Variants in SCD5 observed in about 807,000 individuals in gnomAD.
SCD5 encodes stearoyl-CoA desaturase 5, also known as acyl-CoA-desaturase 4.
SCD5 carries 20 observed loss-of-function variants against 30.4 expected under a neutral mutation model. The ratio of observed to expected loss-of-function variants is 0.66; its 90% confidence interval spans 0.46 to 0.96. SCD5 has a LOEUF of 0.96. Ranked by LOEUF, SCD5 falls within the 40% of genes least tolerant of loss-of-function variation. SCD5 has a pLI of 0.00. For synonymous variants in SCD5, 173 were observed against 176.4 expected (o/e 0.98, Z 0.16); for missense variants, 381 against 443.3 (o/e 0.86, Z 1.26).
rs985727051 is a variant in SCD5, at chr4:82,697,901, T to C, written c.363+7382A>G. ...TGAATTGATAAATCACCGTCTTCAC[T>C]GCTTAGAGACGACCAAGCTATTTGC... is the stretch of plus-strand genomic sequence containing the variant. On this transcript the variant is annotated intron_variant, in intron 2 of 4. Coordinates refer to ENST00000319540, the MANE Select transcript of SCD5 (RefSeq NM_001037582.3). 3 of 421,932 alleles carry C rather than the reference T, an allele frequency of 7.1e-6. No homozygotes were observed. The East Asian group carries it at 2.1e-4, about 30-fold the overall frequency. The allele number at this position is 421,932 out of a possible 1,614,324, so 26.1% of individuals were successfully genotyped here.
At position 82,765,407 on chromosome 4, in the gene SCD5, G is replaced by C. The variant is rs181681636; in HGVS notation, c.232+32899C>G. The stretch of plus-strand genomic sequence containing the variant: ...TCTATAGTATACATAGTCTTCCCTT[G>C]GTATCCACAGTGAATTGGTTCCAGG... On this transcript the variant is annotated intron_variant, in intron 1 of 4. Coordinates refer to ENST00000319540, the MANE Select transcript of SCD5 (RefSeq NM_001037582.3). Among the ~76,000 whole-genome samples, 492 of 152,052 alleles carry C rather than the reference G, an allele frequency of 3.2e-3. 3 individuals are homozygous for C. The highest frequency in any genetic ancestry group is 0.011 in the African/African-American group (470 of 41,452).
At position 82,717,721 on chromosome 4, in the gene SCD5, G is replaced by C. The variant is rs370790306; in HGVS notation, c.233-12308C>G. ...ACTTGAGGTCAGGAGTTCGAGACCA[G>C]CCTGGCAAACATGGTGAAACCCCAT... On this transcript the variant is annotated intron_variant, in intron 1 of 4. Transcript: ENST00000319540. Among the ~76,000 whole-genome samples the C allele has an allele frequency of 2.4e-4, 36 of 151,798 alleles. No homozygotes were observed. In the East Asian group the frequency reaches 6.6e-3, roughly 28 times the overall value.
chr4:82,685,990 T>A (rs868101550), intron 2 of SCD5, among the ~76,000 whole-genome samples: 3 of 151,762 alleles, frequency 2.0e-5, no homozygotes, highest in South Asian at 2.1e-4. Flanking sequence ...GCAGTGCAAG[T>A]CTAACTCATG....
chr4:82,710,920 T>C (rs1307099816), intron 1 of SCD5, among the ~76,000 whole-genome samples: 1 of 151,876 alleles, frequency 6.6e-6, no homozygotes, highest in Admixed American at 6.6e-5. Flanking sequence ...GAGAAGTGCA[T>C]ATATGTAGTG....
At chr4:82,723,077 CA>C (rs59796077) in intron 1 of SCD5, among the ~76,000 whole-genome samples, 7,252 of 89,860 alleles carry the variant, frequency 0.081, 497 homozygotes, top group African/African-American at 0.23. Context: ...AACTCTGTCT[CA>C]AAAAAAAAAA....
chr4:82,719,093 A>G (rs1720298493), intron 1 of SCD5, among the ~76,000 whole-genome samples: 1 of 151,782 alleles, frequency 6.6e-6, no homozygotes, highest in South Asian at 2.1e-4. Flanking sequence ...TTTTTTAAAA[A>G]ACTGATCCAA....
At chr4:82,763,987 G>A (rs1048682275) in intron 1 of SCD5, among the ~76,000 whole-genome samples, 10 of 152,086 alleles carry the variant, frequency 6.6e-5, no homozygotes, top group African/African-American at 1.4e-4. Context: ...TTGATGTTGC[G>A]TGATGTATCT....
chr4:82,753,077 A>C (rs1483574700), intron 1 of SCD5, among the ~76,000 whole-genome samples: 1 of 152,172 alleles, frequency 6.6e-6, no homozygotes, highest in Non-Finnish European at 1.5e-5. Flanking sequence ...GCACATGGGA[A>C]GAGAAGAATC....
intron 1 of SCD5, among the ~76,000 whole-genome samples, chr4:82,730,084 G>A (rs1720594843): frequency 6.6e-6 from 1 of 151,810 alleles, no homozygotes; most frequent in South Asian, 2.1e-4. Flanking sequence ...TTTGTGATGT[G>A]CATGTTAATA....
chr4:82,661,177 A>C lies in SCD5; in HGVS notation c.569+19530T>G, dbSNP rs928394174. 6.9e-6 allele frequency: 7 copies of C among 1,007,204 alleles called. No homozygotes were observed. In the Admixed American group the frequency reaches 1.2e-4, roughly 18 times the overall value. The allele number at this position is 1,007,204 out of a possible 1,614,324, so 62.4% of individuals were successfully genotyped here. A position where few individuals can be genotyped will look rare whatever the true frequency, so the allele number is the denominator to read the frequency against. ...CCTGTAGAAATTGTGTCAATAACAA[A>C]ACCTTGCATCTCTCAATCTAATCAT... On this transcript the variant is annotated intron_variant, in intron 3 of 4. Transcript: ENST00000319540.
At chr4:82,706,575 C>T (rs939080529) in intron 1 of SCD5, among the ~76,000 whole-genome samples, 1 of 152,266 alleles carries the variant, frequency 6.6e-6, no homozygotes, top group African/African-American at 2.4e-5. Flanking sequence ...GTATACTGCC[C>T]TGTCTTCCCA....
intron 1 of SCD5, among the ~76,000 whole-genome samples, chr4:82,765,821 T>G (rs1003961462): frequency 6.6e-6 from 1 of 152,150 alleles, no homozygotes; most frequent in Non-Finnish European, 1.5e-5. Context: ...GGTTTCACCA[T>G]GTCGGCCAGA....
chr4:82,654,541 T>C (rs1339383215), intron 3 of SCD5, among the ~76,000 whole-genome samples: 1 of 152,248 alleles, frequency 6.6e-6, no homozygotes, highest in Non-Finnish European at 1.5e-5. Context: ...CGTGAAAGCA[T>C]TTCTTTAAGC....
Position 82,636,740 on chromosome 4 carries a change from T to A in SCD5, c.653A>T (p.Asn218Ile). The stretch of plus-strand genomic sequence containing the variant: ...GAGAATAGAGGCCAAGAAGTAGGAA[T>A]TCCACAGACTCTCTCCCCAGATGTA... ...PWYIWGESLW[N>I]SYFLASILRY... is the part of the protein sequence containing the mutation. The change falls in exon 4 of 5, where the codon AAT becomes ATT. Residue 218 changes from asparagine to isoleucine, a missense_variant. Transcript: ENST00000319540. 6.2e-7 allele frequency: 1 copy of A among 1,614,070 alleles called. No homozygotes were observed. The highest frequency in any genetic ancestry group is 2.2e-5 in the East Asian group (1 of 44,888).
In SCD5 at chr4:82,645,551, A is replaced by T. The variant is rs145271629; in HGVS notation, c.570-8728T>A. Among the ~76,000 whole-genome samples, 565 of 152,336 alleles carry T rather than the reference A, an allele frequency of 3.7e-3. 9 individuals are homozygous for T. The highest frequency in any genetic ancestry group is 0.013 in the African/African-American group (540 of 41,570). On this transcript the variant is annotated intron_variant, in intron 3 of 4. Coordinates refer to ENST00000319540, the MANE Select transcript of SCD5 (RefSeq NM_001037582.3). The stretch of plus-strand genomic sequence containing the variant: ...GGACAGGTCCACAACAGATGCTGTA[A>T]GCCCTTCCACTACCCACCCCTCTCA...
intron 3 of SCD5, among the ~76,000 whole-genome samples, chr4:82,677,039 T>C (rs1560530901): frequency 6.6e-6 from 1 of 152,240 alleles, no homozygotes; most frequent in Non-Finnish European, 1.5e-5. Flanking sequence ...AAGCTTTTCT[T>C]TAGTAAGTTG....
At chr4:82,645,453 C>T (rs1291874036) in intron 3 of SCD5, among the ~76,000 whole-genome samples, 3 of 152,126 alleles carry the variant, frequency 2.0e-5, no homozygotes, top group Non-Finnish European at 4.4e-5. Context: ...AACATAAAGG[C>T]AAAAGCAGTC....
intron 3 of SCD5, among the ~76,000 whole-genome samples, chr4:82,656,570 T>C (rs547636610): frequency 1.3e-5 from 2 of 152,348 alleles, no homozygotes; most frequent in Non-Finnish European, 2.9e-5. Context: ...TACATGTGCA[T>C]GTGTCTTTAT....
chr4:82,716,747 G>C (rs575814438), intron 1 of SCD5, among the ~76,000 whole-genome samples: 1 of 151,796 alleles, frequency 6.6e-6, no homozygotes, highest in Non-Finnish European at 1.5e-5. Context: ...CTGAGAGGCA[G>C]AGGGTGCAAT....
Sources: allele counts gnomAD v4.1 joint callset (sites outside exome capture counted in the v4.1 genomes callset), GRCh38; gene constraint gnomAD v4.1.1; transcripts MANE v1.5; gene names NCBI Gene and HGNC (gene_info 2026-07-23, HGNC 2026-07-21).